The following QRSL1 variants were observed in gnomAD, a reference collection of about 807,000 sequenced individuals.
The protein encoded by QRSL1 is glutamyl-tRNA(Gln) amidotransferase subunit A, mitochondrial.
A neutral mutation model predicts 61.6 loss-of-function variants in QRSL1; 54 were observed. The ratio of observed to expected loss-of-function variants is 0.88; its 90% confidence interval spans 0.70 to 1.10. QRSL1 has a LOEUF of 1.10. Ranked by LOEUF, QRSL1 falls within the 50% of genes least tolerant of loss-of-function variation. The pLI is 0.00. For missense variants in QRSL1, 505 were observed against 622.6 expected (o/e 0.81, Z 2.01); for synonymous variants, 228 against 225.7 (o/e 1.01, Z -0.09).
chr6:106,642,932 G>T (rs1289811091), intron 3 of QRSL1, 62 bp from the exon 4 acceptor site: 17 of 1,123,908 alleles, frequency 1.5e-5, no homozygotes, highest in Non-Finnish European at 2.1e-5. Context: ...GGCATAATAG[G>T]TATAAACAAA....
intron 1 of QRSL1, among the ~76,000 whole-genome samples, chr6:106,631,825 ACT>A (rs1776838710): frequency 6.6e-6 from 1 of 152,080 alleles, no homozygotes; most frequent in African/African-American, 2.4e-5. Context: ...TTCCAGTTAT[ACT>A]CTTTTAGTTA....
rs1294008474 is a variant in QRSL1 at position 106,654,879 on chromosome 6, A to T, written c.999A>T (p.Ser333=). The change falls in exon 8 of 11, where the codon TCA becomes TCT. Residue 333 remains serine (S), a synonymous_variant. Transcript: ENST00000369046. Reference sequence around the variant, plus strand: ...TCTGCTACCATGTATTGTGCACATCAGAAGTGGCATCGAATATGGCAAGAT... The same window carrying T: ...TCTGCTACCATGTATTGTGCACATCTGAAGTGGCATCGAATATGGCAAGAT... ...SIVCYHVLCT[S]EVASNMARFD... 1.9e-6 allele frequency: 3 copies of T among 1,611,050 alleles called. No individual in the cohort carries two copies. Among genetic ancestry groups the T allele is most frequent in the Non-Finnish European group, 2.5e-6 (3 of 1,179,088 alleles).
chr6:106,640,539 A>T, intron 2 of QRSL1, 31 bp downstream of exon 2: 1 of 1,487,638 alleles, frequency 6.7e-7, no homozygotes. Flanking sequence ...CTTAATTGTT[A>T]TATCTCCAGA....
intron 4 of QRSL1, among the ~76,000 whole-genome samples, chr6:106,648,659 A>G (rs1249652574): frequency 6.6e-6 from 1 of 152,200 alleles, no homozygotes; most frequent in Non-Finnish European, 1.5e-5. Flanking sequence ...TTCCACTTGT[A>G]ATGTTTTTCA....
chr6:106,632,560 C>T (rs1207833212), intron 1 of QRSL1, among the ~76,000 whole-genome samples: 1 of 151,992 alleles, frequency 6.6e-6, no homozygotes. Flanking sequence ...ATACTATTCT[C>T]CATAGTGGCT....
intron 1 of QRSL1, among the ~76,000 whole-genome samples, chr6:106,639,758 A>G (rs1209427522): frequency 6.6e-6 from 1 of 151,814 alleles, no homozygotes; most frequent in Non-Finnish European, 1.5e-5. Flanking sequence ...GTTTTTTTTT[A>G]ACTCCTTCTT....
At chr6:106,661,599 C>T (rs1292106411) in intron 9 of QRSL1, among the ~76,000 whole-genome samples, 1 of 142,534 alleles carries the variant, frequency 7.0e-6, no homozygotes, top group Admixed American at 7.1e-5. Context: ...ACGTTTTTAT[C>T]GTATTTTATT....
intron 5 of QRSL1, among the ~76,000 whole-genome samples, chr6:106,651,651 C>T (rs1282034846): frequency 6.6e-6 from 1 of 152,104 alleles, no homozygotes; most frequent in East Asian, 1.9e-4. Context: ...TATTAAACAT[C>T]TCAATCCATG....
At chr6:106,660,360 T>G (rs1325056525) in intron 9 of QRSL1, among the ~76,000 whole-genome samples, 5 of 139,560 alleles carry the variant, frequency 3.6e-5, no homozygotes, top group Non-Finnish European at 6.2e-5. Flanking sequence ...ACTACTGTAG[T>G]TTTTTTTGTA....
At chr6:106,663,288 T>C (rs1777386589) in intron 10 of QRSL1, 103 bp downstream of exon 10, 1 of 1,108,816 alleles carries the variant, frequency 9.0e-7, no homozygotes, top group East Asian at 2.5e-5. Flanking sequence ...AAAGCAAAAG[T>C]CTATCCTTTT....
At chr6:106,645,026 T>A (rs756076071) in intron 4 of QRSL1, among the ~76,000 whole-genome samples, 11 of 152,210 alleles carry the variant, frequency 7.2e-5, no homozygotes, top group Non-Finnish European at 1.2e-4. Flanking sequence ...GATCTTAGGT[T>A]TTTTTGTCAA....
At chr6:106,661,599 C>A (rs1292106411) in intron 9 of QRSL1, among the ~76,000 whole-genome samples, 1 of 142,534 alleles carries the variant, frequency 7.0e-6, no homozygotes, top group Non-Finnish European at 1.5e-5. Context: ...ACGTTTTTAT[C>A]GTATTTTATT....
intron 1 of QRSL1, among the ~76,000 whole-genome samples, chr6:106,638,876 C>T (rs1402744087): frequency 6.6e-6 from 1 of 152,110 alleles, no homozygotes; most frequent in Non-Finnish European, 1.5e-5. Flanking sequence ...GGAGATTTTC[C>T]CCTCAAATGC....
Position 106,652,340 on chromosome 6 carries a change from C to T in QRSL1, c.689C>T (p.Pro230Leu). 6.2e-7 allele frequency: 1 copy of T among 1,614,118 alleles called. No individual in the cohort carries two copies. The highest frequency in any genetic ancestry group is 8.5e-7 in the Non-Finnish European group (1 of 1,180,032). Reference protein sequence around the residue: ...LIPLVNSMDVPGILTRCVDDA... With the variant: ...LIPLVNSMDVLGILTRCVDDA... ...CCCCTGGTGAATTCGATGGATGTGC[C>T]AGGAATCTTAACCAGATGTGTGGAT... The change falls in exon 6 of 11, where the codon CCA (proline) becomes CTA (leucine). Residue 230 changes from proline to leucine, a missense_variant. Coordinates refer to ENST00000369046, the MANE Select transcript of QRSL1 (RefSeq NM_018292.5).
At chr6:106,641,613 T>G (rs1777021358) in intron 3 of QRSL1, among the ~76,000 whole-genome samples, 1 of 152,214 alleles carries the variant, frequency 6.6e-6, no homozygotes, top group Non-Finnish European at 1.5e-5. Flanking sequence ...AAAATAATAT[T>G]CTATGAGGAA....
At chr6:106,640,240 C>T (rs778815815) in intron 1 of QRSL1, 109 bp from the exon 2 acceptor site, 7 of 951,160 alleles carry the variant, frequency 7.4e-6, no homozygotes, top group Non-Finnish European at 1.1e-5. Flanking sequence ...ACCCAAGCCT[C>T]ACTTTAAAAT....
At chr6:106,630,507 T>G (rs1354115916) in intron 1 of QRSL1, among the ~76,000 whole-genome samples, 1 of 152,214 alleles carries the variant, frequency 6.6e-6, no homozygotes, top group African/African-American at 2.4e-5. Flanking sequence ...CTTACGTTAT[T>G]TCTGCTGTTA....
chr6:106,662,228 ATCT>A (rs1777368449), intron 9 of QRSL1, among the ~76,000 whole-genome samples: 3 of 152,228 alleles, frequency 2.0e-5, no homozygotes, highest in Non-Finnish European at 4.4e-5. Flanking sequence ...ACCGCTGTCT[ATCT>A]TAGTAACCTT....
intron 1 of QRSL1, among the ~76,000 whole-genome samples, chr6:106,635,768 G>A (rs1187876310): frequency 6.6e-6 from 1 of 151,998 alleles, no homozygotes; most frequent in African/African-American, 2.4e-5. Context: ...CTACTCAGGA[G>A]GCTGAGGCAG....
Sources: allele counts gnomAD v4.1 joint callset (sites outside exome capture counted in the v4.1 genomes callset), GRCh38; gene constraint gnomAD v4.1.1; transcripts MANE v1.5; gene names NCBI Gene and HGNC (gene_info 2026-07-23, HGNC 2026-07-21).